The following CNTNAP5 variants were observed in gnomAD, a reference collection of about 807,000 sequenced individuals.
The protein encoded by CNTNAP5 is contactin associated protein family member 5.
CNTNAP5 carries 72 observed loss-of-function variants against 150.2 expected under a neutral mutation model. The observed-to-expected ratio is 0.48, with a 90% CI of 0.40 to 0.58. CNTNAP5 has a LOEUF of 0.58. Among genes scored for constraint, CNTNAP5 ranks in the 20% least tolerant of loss-of-function variants. The pLI is 0.00. For missense variants in CNTNAP5, 1,636 were observed against 1,626.2 expected, an observed-to-expected ratio of 1.01 and a Z score of -0.10; for synonymous variants, 672 against 619.8, an observed-to-expected ratio of 1.08 and a Z score of -1.25.
Position 124,609,816 on chromosome 2 carries a change from C to T in CNTNAP5, c.1772C>T (p.Ser591Phe). The change falls in exon 12 of 24, where the codon TCC (serine) becomes TTC (phenylalanine). Residue 591 changes from serine to phenylalanine, a missense_variant. Physicochemically the swap from Ser to Phe is radical, Grantham distance 155 (BLOSUM62 -2). Coordinates refer to ENST00000682447, the MANE Select transcript of CNTNAP5 (RefSeq NM_001367498.1). ...ATCHNSIYEQ[S>F]CEVYRHQGNT... ...GTCTTTCCAGCCATCTACGAGCAAT[C>T]CTGCGAGGTGTACAGGCACCAGGGG... 6.2e-7 allele frequency: 1 copy of T among 1,613,920 alleles called. No homozygotes were observed. The highest frequency in any genetic ancestry group is 8.5e-7 in the Non-Finnish European group (1 of 1,179,830).
At chr2:124,428,363 T>C (rs905553512) in intron 4 of CNTNAP5, among the ~76,000 whole-genome samples, 2 of 152,170 alleles carry the variant, frequency 1.3e-5, no homozygotes, top group Non-Finnish European at 2.9e-5. Context: ...TCTCTCCAGC[T>C]TAGTCCTCGA....
chr2:124,417,715 C>A, intron 4 of CNTNAP5, 125 bp downstream of exon 4: 2 of 926,190 alleles, frequency 2.2e-6, no homozygotes, highest in Non-Finnish European at 3.2e-6. Context: ...CTTTCATATG[C>A]ATATTTAAAA....
chr2:124,243,655 T>G (rs1338384548), intron 3 of CNTNAP5, among the ~76,000 whole-genome samples: 1 of 152,054 alleles, frequency 6.6e-6, no homozygotes, highest in Non-Finnish European at 1.5e-5. Context: ...CACAGCCTAC[T>G]TGAAGGGAGA....
chr2:124,823,185 A>G lies in CNTNAP5; in HGVS notation c.3217+24865A>G, dbSNP rs1682526188. ...TATGGTCACTCTAGTTACAGTTGAT[A>G]AGTGCAGATATGAAGTAGGCTTAGA... is the stretch of plus-strand genomic sequence containing the variant. On this transcript the variant is annotated intron_variant, in intron 19 of 23. Transcript: ENST00000682447. Among the ~76,000 whole-genome samples the G allele has an allele frequency of 1.3e-5, 2 of 152,170 alleles. 1 individual carries two copies. The highest frequency in any genetic ancestry group is 1.3e-4 in the Admixed American group (2 of 15,270).
At chr2:124,557,718 C>T (rs1279256854) in intron 10 of CNTNAP5, among the ~76,000 whole-genome samples, 1 of 151,908 alleles carries the variant, frequency 6.6e-6, no homozygotes, top group Non-Finnish European at 1.5e-5. Flanking sequence ...AAAGAGATTC[C>T]AGGGAAACAA....
chr2:124,323,165 C>G (rs577603684), intron 3 of CNTNAP5, among the ~76,000 whole-genome samples: 8 of 152,266 alleles, frequency 5.3e-5, no homozygotes, highest in Middle Eastern at 6.8e-3. Context: ...ACAGGAGACC[C>G]ATGTGTGCCC....
chr2:124,112,740 T>G (rs545648295), intron 1 of CNTNAP5, among the ~76,000 whole-genome samples: 1 of 152,284 alleles, frequency 6.6e-6, no homozygotes, highest in Admixed American at 6.5e-5. Context: ...CCATTTGTAC[T>G]TCTTGTTTTT....
Position 124,717,036 on chromosome 2 carries a change from T to A in CNTNAP5, c.2078-30193T>A, listed in dbSNP as rs1679959286. On this transcript the variant is annotated intron_variant, in intron 13 of 23. Transcript: ENST00000682447. Reference sequence around the variant, plus strand: ...ATCATTCTTAATCTCTGGATGATCATCCCCCGCACTTTATTTTCATTTGGC... The same window carrying A: ...ATCATTCTTAATCTCTGGATGATCAACCCCCGCACTTTATTTTCATTTGGC... Among the ~76,000 whole-genome samples, 3 of 152,180 alleles carry A rather than the reference T, an allele frequency of 2.0e-5. No individual in the cohort carries two copies. The South Asian group carries it at 6.2e-4, about 31-fold the overall frequency.
intron 4 of CNTNAP5, among the ~76,000 whole-genome samples, chr2:124,431,948 C>T (rs1692400622): frequency 6.6e-6 from 1 of 152,022 alleles, no homozygotes; most frequent in African/African-American, 2.4e-5. Flanking sequence ...GAACCAAAGG[C>T]AAATTTCCTC....
At chr2:124,443,129 G>A (rs1692718063) in intron 5 of CNTNAP5, among the ~76,000 whole-genome samples, 1 of 151,720 alleles carries the variant, frequency 6.6e-6, no homozygotes, top group Non-Finnish European at 1.5e-5. Context: ...ACATAATAAA[G>A]TATCTCAACA....
At chr2:124,581,243 A>T (rs1340325322) in intron 11 of CNTNAP5, among the ~76,000 whole-genome samples, 1 of 152,232 alleles carries the variant, frequency 6.6e-6, no homozygotes, top group Non-Finnish European at 1.5e-5. Context: ...CTTTATTAGC[A>T]AAGATCATTT....
rs111878327 is a variant in CNTNAP5 at position 124,838,750 on chromosome 2, CA to C, written c.3218-26549del. On this transcript the variant is annotated intron_variant, in intron 19 of 23. Transcript: ENST00000682447. ...GCCAACTGTAGCAAATAATATTTCA[CA>C]AAAAAATAGTGGTTAAATTGATTCT... Among the ~76,000 whole-genome samples the C allele has an allele frequency of 2.5e-3, 375 of 152,138 alleles. 1 individual carries two copies. The highest frequency in any genetic ancestry group is 8.2e-3 in the African/African-American group (341 of 41,544).
At chr2:124,532,744 T>C (rs1695139286) in intron 10 of CNTNAP5, among the ~76,000 whole-genome samples, 1 of 152,212 alleles carries the variant, frequency 6.6e-6, no homozygotes, top group Admixed American at 6.5e-5. Flanking sequence ...ATGTTTTCCC[T>C]TTTGCAAAAT....
intron 8 of CNTNAP5, among the ~76,000 whole-genome samples, chr2:124,516,493 A>G (rs189282869): frequency 1.1e-4 from 17 of 152,356 alleles, no homozygotes; most frequent in Admixed American, 9.1e-4. Context: ...GATATTAAGA[A>G]ATCTGTCTAA....
intron 3 of CNTNAP5, among the ~76,000 whole-genome samples, chr2:124,246,750 C>A (rs1196732034): frequency 6.6e-6 from 1 of 152,118 alleles, no homozygotes; most frequent in East Asian, 1.9e-4. Flanking sequence ...TGAGGGTCTT[C>A]TGCCCTAATT....
intron 12 of CNTNAP5, among the ~76,000 whole-genome samples, chr2:124,616,335 T>C (rs1025281960): frequency 3.9e-5 from 6 of 152,218 alleles, no homozygotes; most frequent in African/African-American, 1.4e-4. Flanking sequence ...GTTACGAAGA[T>C]GGCTTCTTTA....
At chr2:124,667,082 T>C (rs1327468773) in intron 13 of CNTNAP5, among the ~76,000 whole-genome samples, 1 of 152,190 alleles carries the variant, frequency 6.6e-6, no homozygotes, top group Non-Finnish European at 1.5e-5. Flanking sequence ...ATTGATATTA[T>C]AAAGGACTTT....
At chr2:124,889,629 A>G (rs1191021914) in intron 21 of CNTNAP5, among the ~76,000 whole-genome samples, 1 of 152,092 alleles carries the variant, frequency 6.6e-6, no homozygotes, top group Non-Finnish European at 1.5e-5. Flanking sequence ...GTAGGCATTC[A>G]CTCAAGTGCT....
intron 1 of CNTNAP5, among the ~76,000 whole-genome samples, chr2:124,175,341 G>A (rs1338313396): frequency 1.3e-5 from 2 of 152,120 alleles, no homozygotes; most frequent in African/African-American, 4.8e-5. Context: ...ACAAAAGTTT[G>A]ATTGAATTAA....
Sources: allele counts gnomAD v4.1 joint callset (sites outside exome capture counted in the v4.1 genomes callset), GRCh38; gene constraint gnomAD v4.1.1; transcripts MANE v1.5; gene names NCBI Gene and HGNC (gene_info 2026-07-23, HGNC 2026-07-21).